KCNG2: variants seen among roughly 807,000 people sequenced by gnomAD.
KCNG2 encodes potassium voltage-gated channel modifier subfamily G member 2.
Under a neutral mutation model 12.3 loss-of-function variants are expected in KCNG2, and 7 were observed. The observed-to-expected ratio is 0.57, with a 90% confidence interval of 0.32 to 1.07. The LOEUF (loss-of-function observed/expected upper bound fraction) is 1.07. Among genes scored for constraint, KCNG2 ranks in the 50% least tolerant of loss-of-function variants. The pLI, the probability that KCNG2 is intolerant of heterozygous loss-of-function variation, is 0.04. For synonymous variants in KCNG2, 414 were observed against 351.4 expected, an observed-to-expected ratio of 1.18 and a Z score of -1.99; for missense variants, 703 against 726.0, an observed-to-expected ratio of 0.97 and a Z score of 0.36.
chr18:79,848,679 G>A (rs1465135160), intron 1 of KCNG2, among the ~76,000 whole-genome samples: 1 of 152,232 alleles, frequency 6.6e-6, no homozygotes, highest in Non-Finnish European at 1.5e-5. Flanking sequence ...GCCGCGTGGG[G>A]GAAGGAGGTG....
Position 79,900,091 on chromosome 18 carries a change from G to A in KCNG2, c.*275G>A. The A allele has an allele frequency of 6.0e-6, 2 of 331,194 alleles. No individual in the cohort carries two copies. The highest frequency in any genetic ancestry group is 1.1e-5 in the Non-Finnish European group (2 of 183,236). The allele number at this position is 331,194 out of a possible 1,614,324, so 20.5% of individuals were successfully genotyped here. A position where few individuals can be genotyped will look rare whatever the true frequency, so the allele number is the denominator to read the frequency against. ...GCCTAGCTAAAAATAAATTTAGTAA[G>A]TCCGAGAGATTCCACGCCTGCTGTG... On this transcript the variant is annotated 3_prime_UTR_variant, in exon 4 of 4. Coordinates refer to ENST00000316249, the MANE Select transcript of KCNG2 (RefSeq NM_012283.2).
At chr18:79,867,719 C>T (rs1979661744) in intron 3 of KCNG2, among the ~76,000 whole-genome samples, 1 of 152,114 alleles carries the variant, frequency 6.6e-6, no homozygotes. Flanking sequence ...CTGAAAAAGT[C>T]TCCCTGCGTT....
intron 1 of KCNG2, among the ~76,000 whole-genome samples, chr18:79,809,266 CTGAGGAGCT>C (rs1242397827): frequency 4.4e-4 from 29 of 66,512 alleles, no homozygotes; most frequent in Non-Finnish European, 5.4e-4. Context: ...AGTCCGCGCT[CTGAGGAGCT>C]GCCGGGGACA....
At chr18:79,828,430 CTG>C (rs1481618009) in intron 1 of KCNG2, among the ~76,000 whole-genome samples, 4 of 127,086 alleles carry the variant, frequency 3.1e-5, no homozygotes, top group Admixed American at 8.9e-5. Flanking sequence ...TTGGGTGCAT[CTG>C]TGTGCAAGTG....
intron 1 of KCNG2, among the ~76,000 whole-genome samples, chr18:79,814,924 T>TA (rs2087518016): frequency 6.6e-6 from 1 of 151,378 alleles, no homozygotes; most frequent in Admixed American, 6.6e-5. Flanking sequence ...TTTTTTTTTT[T>TA]ACGATGAAAA....
chr18:79,830,308 A>T (rs1382862937), intron 1 of KCNG2, among the ~76,000 whole-genome samples: 1 of 152,174 alleles, frequency 6.6e-6, no homozygotes, highest in Non-Finnish European at 1.5e-5. Flanking sequence ...TTCTTACAGG[A>T]TGGCACCATT....
chr18:79,861,141 G>A (rs572865943), intron 2 of KCNG2, among the ~76,000 whole-genome samples: 10 of 152,138 alleles, frequency 6.6e-5, no homozygotes, highest in East Asian at 3.9e-4. Flanking sequence ...TGTGCCACCC[G>A]TGTATTCCTG....
rs1260435946 is a variant in KCNG2 at position 79,860,664 on chromosome 18, TGTGTG to T, written c.-40-2963_-40-2959del. ...TTTGCTGAACCCATTCTCATAGTGA[TGTGTG>T]TGTGTGTGTGTGCGCATGTGTATGT... On this transcript the variant is annotated intron_variant, in intron 2 of 3. Transcript: ENST00000316249. Among the ~76,000 whole-genome samples the T allele has an allele frequency of 1.3e-3, 5 of 3,796 alleles. No individual in the cohort carries two copies. The Non-Finnish European group carries it at 0.044, about 33-fold the overall frequency. 2.5% of individuals were successfully genotyped at this position (3,796 alleles called of 152,430 possible).
intron 3 of KCNG2, among the ~76,000 whole-genome samples, chr18:79,868,085 C>T (rs1359916774): frequency 1.3e-5 from 2 of 152,180 alleles, no homozygotes; most frequent in African/African-American, 4.8e-5. Context: ...TTTGGCTGTC[C>T]TCGGTCGAAT....
At chr18:79,876,765 C>T (rs1207876852) in intron 3 of KCNG2, among the ~76,000 whole-genome samples, 1 of 152,226 alleles carries the variant, frequency 6.6e-6, no homozygotes, top group African/African-American at 2.4e-5. Flanking sequence ...CCAGCCGTGC[C>T]AGGCCCGGGC....
At position 79,864,190 on chromosome 18, in the gene KCNG2, G is replaced by A. The variant is rs1054866506; in HGVS notation, c.523G>A (p.Ala175Thr). The change falls in exon 3 of 4, where the codon GCG becomes ACG. Residue 175 changes from alanine to threonine, a missense_variant. Ala to Thr is a moderately conservative substitution (Grantham distance 58). Transcript: ENST00000316249. ...DVVDNPHSGL[A>T]GKLFACVSVS... ...GGTGGACAACCCGCACTCGGGGCTGGCGGGCAAGCTCTTCGCCTGCGTGTC... is the reference window on the plus strand; with the variant it reads ...GGTGGACAACCCGCACTCGGGGCTGACGGGCAAGCTCTTCGCCTGCGTGTC... 2 of 1,529,224 alleles carry A rather than the reference G, an allele frequency of 1.3e-6. No individual in the cohort carries two copies. The highest frequency in any genetic ancestry group is 1.4e-5 in the African/African-American group (1 of 69,120). The allele number at this position is 1,529,224 out of a possible 1,614,324, so 94.7% of individuals were successfully genotyped here.
intron 1 of KCNG2, among the ~76,000 whole-genome samples, chr18:79,818,973 G>T (rs978984697): frequency 2.6e-5 from 4 of 152,228 alleles, no homozygotes; most frequent in Admixed American, 2.6e-4. Flanking sequence ...ATCAGGACTC[G>T]ACACAGTGCC....
In KCNG2 at chr18:79,899,921, C is replaced by T. The variant is rs1327421982; in HGVS notation, c.*105C>T. ...GGGCGTCTGGCCTGGGGGAGCGGCTCCTGCCGGCCGCGTCCTCGGCCCTCG... is the reference window on the plus strand; with the variant it reads ...GGGCGTCTGGCCTGGGGGAGCGGCTTCTGCCGGCCGCGTCCTCGGCCCTCG... On this transcript the variant is annotated 3_prime_UTR_variant, in exon 4 of 4. Transcript: ENST00000316249. The T allele has an allele frequency of 9.1e-7, 1 of 1,102,960 alleles. No homozygotes were observed. The highest frequency in any genetic ancestry group is 1.2e-6 in the Non-Finnish European group (1 of 863,970). The allele number at this position is 1,102,960 out of a possible 1,614,324, so 68.3% of individuals were successfully genotyped here. A position where few individuals can be genotyped will look rare whatever the true frequency, so the allele number is the denominator to read the frequency against.
At chr18:79,894,806 T>C (rs1980897815) in intron 3 of KCNG2, among the ~76,000 whole-genome samples, 1 of 151,748 alleles carries the variant, frequency 6.6e-6, no homozygotes, top group African/African-American at 2.4e-5. Context: ...CATTCACATC[T>C]AATGTTACGA....
At chr18:79,834,815 A>G (rs1269670155) in intron 1 of KCNG2, among the ~76,000 whole-genome samples, 1 of 152,248 alleles carries the variant, frequency 6.6e-6, no homozygotes, top group Non-Finnish European at 1.5e-5. Context: ...ATTCTTGAGC[A>G]GGAGGAGCTG....
chr18:79,875,867 T>A (rs1243545491), intron 3 of KCNG2: 1 of 152,448 alleles, frequency 6.6e-6, no homozygotes, highest in Non-Finnish European at 1.5e-5. Context: ...CTGCCCCCGA[T>A]CCCCAATGCC....
chr18:79,883,606 G>A (rs1980404824), intron 3 of KCNG2, among the ~76,000 whole-genome samples: 1 of 152,246 alleles, frequency 6.6e-6, no homozygotes, highest in African/African-American at 2.4e-5. Flanking sequence ...GTCTGGTGGG[G>A]ACAGGGCTGA....
At chr18:79,811,656 T>TTC (rs746652338) in intron 1 of KCNG2, among the ~76,000 whole-genome samples, 2 of 152,216 alleles carry the variant, frequency 1.3e-5, no homozygotes, top group Non-Finnish European at 2.9e-5. Context: ...TGTTGGTTTA[T>TTC]ATGACTACTA....
At chr18:79,876,575 T>C (rs548946539) in intron 3 of KCNG2, among the ~76,000 whole-genome samples, 1 of 152,336 alleles carries the variant, frequency 6.6e-6, no homozygotes, top group Non-Finnish European at 1.5e-5. Flanking sequence ...AAGGATGCCC[T>C]CTTCTGCATC....
Sources: gnomAD v4.1 joint callset for allele counts (sites outside exome capture counted in the v4.1 genomes callset) on GRCh38, gnomAD v4.1.1 for gene constraint, MANE v1.5 for transcripts, NCBI Gene and HGNC (gene_info 2026-07-23, HGNC 2026-07-21) for gene names.